SNX29: variants seen among roughly 807,000 people sequenced by gnomAD.
The protein encoded by SNX29 is sorting nexin-29.
In SNX29, 78 loss-of-function variants were observed where a neutral mutation model predicts 102.1. That is an observed-to-expected ratio of 0.76 (90% confidence interval 0.64 to 0.92). The LOEUF is 0.92. Among genes scored for constraint, SNX29 ranks in the 40% least tolerant of loss-of-function variants. The probability of loss-of-function intolerance (pLI) is 0.00; values close to 1 mark genes in which losing one functional copy is unlikely to be tolerated. For missense variants in SNX29, 1,280 were observed against 1,061.7 expected, an observed-to-expected ratio of 1.21 and a Z score of -2.86; for synonymous variants, 580 against 414.5, an observed-to-expected ratio of 1.40 and a Z score of -4.85.
intron 19 of SNX29, among the ~76,000 whole-genome samples, chr16:12,510,965 A>G (rs1447652726): frequency 6.6e-6 from 1 of 151,804 alleles, no homozygotes; most frequent in Non-Finnish European, 1.5e-5. Context: ...TTCTTGAGCA[A>G]AAGCACTCCC....
intron 15 of SNX29, among the ~76,000 whole-genome samples, chr16:12,321,864 G>A (rs1042350837): frequency 3.9e-5 from 6 of 152,186 alleles, no homozygotes; most frequent in African/African-American, 7.2e-5. Context: ...AAGACAGAGA[G>A]CCGGGGATAT....
chr16:12,543,559 C>G (rs1357180641), intron 20 of SNX29, among the ~76,000 whole-genome samples: 5 of 152,210 alleles, frequency 3.3e-5, no homozygotes, highest in Admixed American at 6.5e-5. Flanking sequence ...GCCCACTGAG[C>G]CACGAGATCA....
chr16:12,161,747 C>G lies in SNX29; in HGVS notation c.1595+31989C>G, dbSNP rs554560629. Among the ~76,000 whole-genome samples the G allele has an allele frequency of 1.5e-4, 23 of 152,216 alleles. No homozygotes were observed. The South Asian group carries it at 4.8e-3, about 32-fold the overall frequency. ...CCAGAACTGGTTACTTAAAAAGAGC[C>G]TGGCACTTCCACCCTCCCTGCCCGC... On this transcript the variant is annotated intron_variant, in intron 13 of 20. Transcript: ENST00000566228.
At chr16:12,165,705 C>T (rs776732740) in intron 13 of SNX29, among the ~76,000 whole-genome samples, 11 of 152,184 alleles carry the variant, frequency 7.2e-5, no homozygotes, top group African/African-American at 1.9e-4. Flanking sequence ...GGATTACAGG[C>T]GCACGCCGCC....
intron 18 of SNX29, among the ~76,000 whole-genome samples, chr16:12,433,556 G>A (rs1259853038): frequency 4.0e-5 from 6 of 151,378 alleles, no homozygotes; most frequent in Admixed American, 3.3e-4. Flanking sequence ...GCTTGAACCC[G>A]GGAGGTGGAG....
chr16:12,356,592 A>T (rs1409227567), intron 16 of SNX29, among the ~76,000 whole-genome samples: 1 of 152,114 alleles, frequency 6.6e-6, no homozygotes, highest in Non-Finnish European at 1.5e-5. Flanking sequence ...TGAGCAGTAA[A>T]CAGTCTTGGT....
intron 18 of SNX29, among the ~76,000 whole-genome samples, chr16:12,429,674 A>G (rs906649546): frequency 2.0e-5 from 3 of 152,220 alleles, no homozygotes; most frequent in Non-Finnish European, 4.4e-5. Context: ...ACGCTGTCAT[A>G]TCATTTCTCT....
chr16:12,507,635 G>A (rs1163359063), intron 19 of SNX29, among the ~76,000 whole-genome samples: 1 of 152,184 alleles, frequency 6.6e-6, no homozygotes, highest in Non-Finnish European at 1.5e-5. Context: ...AAGAGCCTGA[G>A]TTGGGACATG....
intron 15 of SNX29, among the ~76,000 whole-genome samples, chr16:12,335,299 T>G (rs1282353019): frequency 6.6e-6 from 1 of 152,042 alleles, no homozygotes; most frequent in Non-Finnish European, 1.5e-5. Flanking sequence ...TTACTTGAAG[T>G]GAAACTCTTG....
At chr16:12,401,858 G>C (rs2083958143) in intron 17 of SNX29, among the ~76,000 whole-genome samples, 1 of 152,130 alleles carries the variant, frequency 6.6e-6, no homozygotes, top group Non-Finnish European at 1.5e-5. Context: ...GGAGGGAGAT[G>C]GGTCACTTAA....
intron 20 of SNX29, among the ~76,000 whole-genome samples, chr16:12,549,128 C>T (rs1025942502): frequency 1.3e-5 from 2 of 152,174 alleles, no homozygotes; most frequent in Non-Finnish European, 2.9e-5. Context: ...ATGGAAAATT[C>T]TGGGGTAGTT....
At chr16:12,380,817 C>CACACACCA (rs2083083046) in intron 16 of SNX29, among the ~76,000 whole-genome samples, 1 of 95,584 alleles carries the variant, frequency 1.0e-5, no homozygotes, top group Non-Finnish European at 2.3e-5. Flanking sequence ...TCCATCCACC[C>CACACACCA]GCCATCCATC....
intron 13 of SNX29, among the ~76,000 whole-genome samples, chr16:12,146,795 CT>C (rs1391062455): frequency 6.6e-6 from 1 of 152,180 alleles, no homozygotes; most frequent in Non-Finnish European, 1.5e-5. Context: ...ATGCCAAATG[CT>C]TTAATGTTGA....
chr16:12,494,396 C>T (rs546857403), intron 19 of SNX29, among the ~76,000 whole-genome samples: 8 of 152,288 alleles, frequency 5.3e-5, no homozygotes, highest in South Asian at 2.1e-4. Context: ...CATCAGACTC[C>T]GCGCACTGAG....
At chr16:12,210,476 C>A (rs1297610145) in intron 14 of SNX29, among the ~76,000 whole-genome samples, 2 of 151,634 alleles carry the variant, frequency 1.3e-5, no homozygotes, top group Non-Finnish European at 2.9e-5. Context: ...GCACTGGTGT[C>A]CACCATCACT....
chr16:12,475,600 C>CT (rs2087554886), intron 18 of SNX29, among the ~76,000 whole-genome samples: 1 of 152,212 alleles, frequency 6.6e-6, no homozygotes, highest in Admixed American at 6.5e-5. Flanking sequence ...TCAGCCTAGT[C>CT]TACCTTCAAC....
intron 3 of SNX29, among the ~76,000 whole-genome samples, chr16:12,011,089 C>T (rs2056635354): frequency 6.6e-6 from 1 of 152,010 alleles, no homozygotes; most frequent in Admixed American, 6.6e-5. Flanking sequence ...TCTCCCCCTC[C>T]CTTACCCCAA....
At chr16:12,153,137 C>T (rs1185668540) in intron 13 of SNX29, among the ~76,000 whole-genome samples, 1 of 152,148 alleles carries the variant, frequency 6.6e-6, no homozygotes, top group Non-Finnish European at 1.5e-5. Flanking sequence ...GTGGCTCATG[C>T]CTATAATCCC....
chr16:12,483,766 G>C (rs187363127), intron 19 of SNX29, among the ~76,000 whole-genome samples: 76 of 152,292 alleles, frequency 5.0e-4, no homozygotes, highest in African/African-American at 1.8e-3. Context: ...CACAGTGCTG[G>C]GTTCCAGGCT....
Sources: gnomAD v4.1 joint callset for allele counts (sites outside exome capture counted in the v4.1 genomes callset) on GRCh38, gnomAD v4.1.1 for gene constraint, MANE v1.5 for transcripts, NCBI Gene and HGNC (gene_info 2026-07-23, HGNC 2026-07-21) for gene names.